The following NEK1 variants were observed in gnomAD, a reference collection of about 807,000 sequenced individuals.
NEK1 encodes serine/threonine-protein kinase Nek1.
Under a neutral mutation model 182.1 loss-of-function variants are expected in NEK1, and 137 were observed. The observed-to-expected ratio is 0.75, with a 90% confidence interval of 0.65 to 0.87. The LOEUF (loss-of-function observed/expected upper bound fraction) is 0.87. Among genes scored for constraint, NEK1 ranks in the 40% least tolerant of loss-of-function variants. The pLI is 0.00. For missense variants in NEK1, 1,391 were observed against 1,494.4 expected, an observed-to-expected ratio of 0.93 and a Z score of 1.14; for synonymous variants, 513 against 492.2, an observed-to-expected ratio of 1.04 and a Z score of -0.56.
chr4:169,458,530 C>G (rs868307603), intron 27 of NEK1, among the ~76,000 whole-genome samples: 2 of 152,046 alleles, frequency 1.3e-5, no homozygotes, highest in South Asian at 4.1e-4. Flanking sequence ...AAGTTTGAGA[C>G]CAGCCTAAGC....
rs770250819 is a variant in NEK1, at chr4:169,426,234, C to A, written c.2886G>T (p.Gln962His). 1 of 1,612,338 alleles carries A rather than the reference C, an allele frequency of 6.2e-7. No individual in the cohort carries two copies. Among genetic ancestry groups the A allele is most frequent in the South Asian group, 1.1e-5 (1 of 90,690 alleles). The change falls in exon 30 of 36, where the codon CAG becomes CAT. Residue 962 changes from glutamine to histidine, a missense_variant and splice_region_variant. Physicochemically the swap from Gln to His is conservative, Grantham distance 24 (BLOSUM62 0). Coordinates refer to ENST00000507142, the MANE Select transcript of NEK1 (RefSeq NM_001199397.3). Reference protein sequence around the residue: ...ISEEKETKETQSADRITIQEN... With the variant: ...ISEEKETKETHSADRITIQEN... The stretch of plus-strand genomic sequence containing the variant: ...CCTGAATGGTGATCCTATCTGCCGA[C>A]CTGCCACAGATGGGTACACCAATTA...
rs559242728 is a variant in NEK1, at chr4:169,512,492, A to G, written c.1666-3640T>C. 2.6e-5 allele frequency among the ~76,000 whole-genome samples: 4 copies of G among 152,156 alleles called. No homozygotes were observed. In the South Asian group the frequency reaches 8.3e-4, roughly 32 times the overall value. On this transcript the variant is annotated intron_variant, in intron 19 of 35. Transcript: ENST00000507142. Reference sequence around the variant, plus strand: ...TAATGTTGAATTTTGATACTTCTTTATATTTTCTAAATATAAGCCTTTTGT... The same window carrying G: ...TAATGTTGAATTTTGATACTTCTTTGTATTTTCTAAATATAAGCCTTTTGT...
At chr4:169,498,273 C>A (rs1001382078) in intron 23 of NEK1, among the ~76,000 whole-genome samples, 2 of 152,156 alleles carry the variant, frequency 1.3e-5, no homozygotes, top group South Asian at 2.1e-4. Context: ...CTTCCTCCAT[C>A]CCTTTATTTT....
At chr4:169,492,921 C>G (rs1230704044) in intron 23 of NEK1, among the ~76,000 whole-genome samples, 4 of 152,194 alleles carry the variant, frequency 2.6e-5, no homozygotes, top group South Asian at 2.1e-4. Context: ...TGCCTCGGAA[C>G]AAACGTGGAG....
chr4:169,506,506 G>A (rs1753271965), intron 23 of NEK1: 1 of 152,112 alleles, frequency 6.6e-6, no homozygotes, highest in Non-Finnish European at 1.5e-5. Context: ...TGTAATCCTA[G>A]CACTTTGGGA....
intron 23 of NEK1, among the ~76,000 whole-genome samples, chr4:169,501,090 C>A (rs1752342117): frequency 6.6e-6 from 1 of 152,124 alleles, no homozygotes; most frequent in African/African-American, 2.4e-5. Flanking sequence ...CAAAAAAGAT[C>A]AGGGCTTGCT....
chr4:169,443,925 C>T (rs778857942), intron 27 of NEK1, among the ~76,000 whole-genome samples: 1 of 152,128 alleles, frequency 6.6e-6, no homozygotes, highest in Non-Finnish European at 1.5e-5. Flanking sequence ...AACAAACTGT[C>T]AGCCAAGAAT....
rs1730365955 is a variant in NEK1, at chr4:169,394,455, A to G, written c.*55T>C. The G allele has an allele frequency of 8.6e-7, 1 of 1,160,270 alleles. No individual in the cohort carries two copies. The highest frequency in any genetic ancestry group is 2.5e-5 in the East Asian group (1 of 39,740). The allele number at this position is 1,160,270 out of a possible 1,614,324, so 71.9% of individuals were successfully genotyped here. A position where few individuals can be genotyped will look rare whatever the true frequency, so the allele number is the denominator to read the frequency against. On this transcript the variant is annotated 3_prime_UTR_variant, in exon 36 of 36. Transcript: ENST00000507142. ...TTTCCCACTGAAGCTTGTTATTCTG[A>G]TAAGCCAAATTCAAATGCTTTCATA...
intron 18 of NEK1, among the ~76,000 whole-genome samples, chr4:169,547,509 A>C (rs1247950739): frequency 6.6e-6 from 1 of 152,004 alleles, no homozygotes; most frequent in Non-Finnish European, 1.5e-5. Flanking sequence ...CCTGAATTTG[A>C]ATGCTGGCCT....
chr4:169,507,365 A>G (rs1753481168), intron 22 of NEK1, among the ~76,000 whole-genome samples: 1 of 152,100 alleles, frequency 6.6e-6, no homozygotes, highest in Admixed American at 6.5e-5. Context: ...AGGCAGGTAT[A>G]TTTGAATGTG....
intron 10 of NEK1, among the ~76,000 whole-genome samples, chr4:169,582,759 A>G (rs1766880100): frequency 6.6e-6 from 1 of 152,176 alleles, no homozygotes; most frequent in Admixed American, 6.5e-5. Context: ...ACATGCGCCT[A>G]TTTGAATTAA....
chr4:169,541,486 T>G (rs1335221151), intron 18 of NEK1, among the ~76,000 whole-genome samples: 2 of 151,832 alleles, frequency 1.3e-5, no homozygotes, highest in Non-Finnish European at 2.9e-5. Context: ...AGAGGAAAAA[T>G]AACTACTACC....
Position 169,602,534 on chromosome 4 carries a change from T to A in NEK1, c.97A>T (p.Lys33Ter). Residue 33 changes from lysine to a stop codon, truncating the protein, a stop_gained, in exon 3 of 36, where the codon AAG becomes TAG. Transcript: ENST00000507142. LOFTEE classifies it high-confidence loss of function. ...CTTACTCTTGAGATGTTAATTTCCT[T>A]GATAACATACTGTCTGCCATCTTCT... is the stretch of plus-strand genomic sequence containing the variant. ...STEDGRQYVI[K>*]EINISRMSSK... The A allele has an allele frequency of 6.3e-7, 1 of 1,589,864 alleles. No homozygotes were observed. The highest frequency in any genetic ancestry group is 8.6e-7 in the Non-Finnish European group (1 of 1,159,494).
At chr4:169,470,081 A>G (rs555950265) in intron 26 of NEK1, among the ~76,000 whole-genome samples, 3 of 151,942 alleles carry the variant, frequency 2.0e-5, no homozygotes, top group African/African-American at 7.2e-5. Context: ...CTCTTTATCC[A>G]ATTTGCCAGT....
chr4:169,461,833 G>C (rs763159108), intron 27 of NEK1, among the ~76,000 whole-genome samples: 1 of 152,042 alleles, frequency 6.6e-6, no homozygotes, highest in Non-Finnish European at 1.5e-5. Flanking sequence ...TGTCCTCTGA[G>C]AGCAAGAATG....
chr4:169,536,123 C>T (rs1012694873), intron 19 of NEK1, among the ~76,000 whole-genome samples: 1 of 151,514 alleles, frequency 6.6e-6, no homozygotes, highest in East Asian at 1.9e-4. Context: ...GGTGAAACCC[C>T]ATCTTTACTA....
At chr4:169,515,358 A>G (rs1002309936) in intron 19 of NEK1, among the ~76,000 whole-genome samples, 2 of 152,132 alleles carry the variant, frequency 1.3e-5, no homozygotes, top group South Asian at 2.1e-4. Flanking sequence ...TAGTAGTTCT[A>G]TCAATTGCTG....
chr4:169,494,147 G>A (rs574848876), intron 23 of NEK1, among the ~76,000 whole-genome samples: 92 of 150,594 alleles, frequency 6.1e-4, no homozygotes, highest in African/African-American at 2.1e-3. Flanking sequence ...TGTGCACAAC[G>A]TGCAGGTTTG....
chr4:169,591,066 T>C (rs1012465517), intron 5 of NEK1, among the ~76,000 whole-genome samples: 3 of 152,030 alleles, frequency 2.0e-5, no homozygotes, highest in African/African-American at 7.3e-5. Context: ...TGAGTGAAAA[T>C]GCAAATAATT....
Sources: gnomAD v4.1 joint callset for allele counts (sites outside exome capture counted in the v4.1 genomes callset) on GRCh38, gnomAD v4.1.1 for gene constraint, MANE v1.5 for transcripts, NCBI Gene and HGNC (gene_info 2026-07-23, HGNC 2026-07-21) for gene names.